The following SMURF1 variants were observed in gnomAD, a reference collection of about 807,000 sequenced individuals.
The protein encoded by SMURF1 is E3 ubiquitin-protein ligase SMURF1.
Under a neutral mutation model 98.0 loss-of-function variants are expected in SMURF1, and 44 were observed. That is an observed-to-expected ratio of 0.45 (90% confidence interval 0.35 to 0.58). The LOEUF is 0.58. Ranked by LOEUF, SMURF1 falls within the 20% of genes least tolerant of loss-of-function variation. The pLI is 0.00. For synonymous variants in SMURF1, 396 were observed against 374.9 expected (o/e 1.06, Z -0.65); for missense variants, 687 against 938.4 (o/e 0.73, Z 3.50).
At chr7:99,045,354 A>T (rs1008423279) in intron 11 of SMURF1, among the ~76,000 whole-genome samples, 5 of 152,228 alleles carry the variant, frequency 3.3e-5, no homozygotes, top group African/African-American at 9.6e-5. Context: ...TCTACAGAGG[A>T]GAGCAAGGCT....
intron 1 of SMURF1, among the ~76,000 whole-genome samples, chr7:99,109,697 G>T (rs909417433): frequency 5.9e-5 from 9 of 152,152 alleles, no homozygotes. Flanking sequence ...AATGCCTGGA[G>T]TAGTTTGTTT....
intron 1 of SMURF1, among the ~76,000 whole-genome samples, chr7:99,068,244 C>T (rs369807479): frequency 2.6e-5 from 4 of 152,192 alleles, no homozygotes; most frequent in Non-Finnish European, 4.4e-5. Flanking sequence ...ACTGTGCCCT[C>T]CCTGATGGAA....
chr7:99,072,100 G>T (rs933121026), intron 1 of SMURF1, among the ~76,000 whole-genome samples: 2 of 150,624 alleles, frequency 1.3e-5, no homozygotes, highest in African/African-American at 4.9e-5. Flanking sequence ...AAATAAATAA[G>T]AAGAAGAAAG....
At chr7:99,108,867 C>T (rs952133514) in intron 1 of SMURF1, among the ~76,000 whole-genome samples, 16 of 152,096 alleles carry the variant, frequency 1.1e-4, no homozygotes, top group East Asian at 3.9e-4. Context: ...GTGGCGTGAC[C>T]GGAAATTTGG....
At position 99,029,507 on chromosome 7, in the gene SMURF1, C is replaced by T. The variant is rs1283433077; in HGVS notation, c.*1077G>A. On this transcript the variant is annotated 3_prime_UTR_variant, in exon 18 of 18. Transcript: ENST00000361368. ...AGGCAGTGAGTGTGAAGTCGTCCCCCTCTGCTGTCACAGGTTTGCGTCCAC... is the reference window on the plus strand; with the variant it reads ...AGGCAGTGAGTGTGAAGTCGTCCCCTTCTGCTGTCACAGGTTTGCGTCCAC... The T allele has an allele frequency of 6.6e-6, 1 of 152,212 alleles. No homozygotes were observed. Among genetic ancestry groups the T allele is most frequent in the African/African-American group, 2.4e-5 (1 of 41,454 alleles). 9.4% of individuals were successfully genotyped at this position (152,212 alleles called of 1,614,324 possible).
At chr7:99,085,489 C>T (rs1584161502) in intron 1 of SMURF1, among the ~76,000 whole-genome samples, 1 of 152,236 alleles carries the variant, frequency 6.6e-6, no homozygotes, top group East Asian at 1.9e-4. Flanking sequence ...TTATAAATTA[C>T]CCAGTCTCAG....
intron 1 of SMURF1, among the ~76,000 whole-genome samples, chr7:99,063,724 A>G (rs909467561): frequency 2.0e-5 from 3 of 151,668 alleles, no homozygotes; most frequent in Non-Finnish European, 2.9e-5. Context: ...AAGAAAGGCC[A>G]TACCCAGTTT....
At chr7:99,143,594 C>A in intron 1 of SMURF1, 132 bp downstream of exon 1, 1 of 693,526 alleles carries the variant, frequency 1.4e-6, no homozygotes, top group Non-Finnish European at 2.1e-6. Flanking sequence ...GAGGGGCGCA[C>A]GCCGAAGGGG....
At chr7:99,062,937 A>T (rs1022783073) in intron 1 of SMURF1, among the ~76,000 whole-genome samples, 3 of 152,010 alleles carry the variant, frequency 2.0e-5, no homozygotes, top group Middle Eastern at 3.4e-3. Flanking sequence ...AGGTAGTATC[A>T]ATTACTGTTA....
chr7:99,038,572 G>C (rs764422162), intron 13 of SMURF1, 47 bp from the exon 14 acceptor site: 2 of 1,594,622 alleles, frequency 1.3e-6, no homozygotes, highest in Non-Finnish European at 1.7e-6. Context: ...CTGCCACCAC[G>C]CGGGGCCATT....
intron 6 of SMURF1, among the ~76,000 whole-genome samples, chr7:99,052,724 T>C (rs1254291868): frequency 6.6e-6 from 1 of 152,194 alleles, no homozygotes; most frequent in African/African-American, 2.4e-5. Flanking sequence ...GAAACCAGCC[T>C]TAGACTATGA....
chr7:99,056,367 G>A (rs1455792315), intron 5 of SMURF1, among the ~76,000 whole-genome samples: 1 of 152,070 alleles, frequency 6.6e-6, no homozygotes, highest in Admixed American at 6.5e-5. Flanking sequence ...TGGATAATAG[G>A]ATGAGTTATT....
intron 1 of SMURF1, among the ~76,000 whole-genome samples, chr7:99,117,253 C>A (rs1001271916): frequency 1.3e-5 from 2 of 152,050 alleles, no homozygotes; most frequent in Non-Finnish European, 2.9e-5. Flanking sequence ...AATACTAAAA[C>A]TCTTAGAATA....
chr7:99,130,182 G>A (rs1010753029), intron 1 of SMURF1, among the ~76,000 whole-genome samples: 2 of 152,220 alleles, frequency 1.3e-5, no homozygotes, highest in African/African-American at 4.8e-5. Flanking sequence ...GCTGGGCATA[G>A]TGGCTCACAC....
At position 99,063,238 on chromosome 7, in the gene SMURF1, TA is replaced by T. The variant is rs1563012534; in HGVS notation, c.56-1402del. 2.4e-3 allele frequency among the ~76,000 whole-genome samples: 12 copies of T among 5,048 alleles called. 1 individual carries two copies. The highest frequency in any genetic ancestry group is 0.014 in the Non-Finnish European group (10 of 706). The allele number at this position is 5,048 out of a possible 152,430, so 3.3% of individuals were successfully genotyped here. On this transcript the variant is annotated intron_variant, in intron 1 of 17. Coordinates refer to ENST00000361368, the MANE Select transcript of SMURF1 (RefSeq NM_181349.3). ...AAGATATATATATATATATAAGATT[TA>T]TTTATATATATATATATATATATAT...
intron 2 of SMURF1, among the ~76,000 whole-genome samples, chr7:99,061,040 A>G (rs1276937437): frequency 6.6e-6 from 1 of 152,190 alleles, no homozygotes. Flanking sequence ...TGCCTATCTT[A>G]TCTATGGAAG....
At chr7:99,064,743 ATACT>A (rs1418694712) in intron 1 of SMURF1, among the ~76,000 whole-genome samples, 1 of 152,206 alleles carries the variant, frequency 6.6e-6, no homozygotes, top group Non-Finnish European at 1.5e-5. Context: ...TAATCTTTAT[ATACT>A]TCCTTTCCAC....
At chr7:99,089,159 G>A (rs1304623913) in intron 1 of SMURF1, among the ~76,000 whole-genome samples, 3 of 149,918 alleles carry the variant, frequency 2.0e-5, no homozygotes, top group African/African-American at 7.4e-5. Flanking sequence ...AGCCAAGATC[G>A]TGCCACTGCA....
At position 99,036,960 on chromosome 7, in the gene SMURF1, A is replaced by T; in HGVS notation, c.1809+107T>A. 8 of 1,548,020 alleles carry T rather than the reference A, an allele frequency of 5.2e-6. No homozygotes were observed. The South Asian group carries it at 9.3e-5, about 18-fold the overall frequency. ...TAGTCTGGGAACCCCAGCAGCTCCT[A>T]GGCTTACTAGAAAGCGGCACACACT... On this transcript the variant is annotated intron_variant, in intron 15 of 17. Transcript: ENST00000361368.
Sources: allele counts gnomAD v4.1 joint callset (sites outside exome capture counted in the v4.1 genomes callset), GRCh38; gene constraint gnomAD v4.1.1; transcripts MANE v1.5; gene names NCBI Gene and HGNC (gene_info 2026-07-23, HGNC 2026-07-21).